The following CDK13 variants were observed in gnomAD, a reference collection of about 807,000 sequenced individuals.
The protein encoded by CDK13 is cyclin-dependent kinase 13.
Under a neutral mutation model 137.6 loss-of-function variants are expected in CDK13, and 40 were observed. The ratio of observed to expected loss-of-function variants is 0.29; its 90% CI spans 0.23 to 0.38. The LOEUF (loss-of-function observed/expected upper bound fraction) is 0.38, where lower values mean the gene tolerates loss of function less well. CDK13 is among the 10% of genes least tolerant of loss of function. The pLI, the probability that CDK13 is intolerant of heterozygous loss-of-function variation, is 1.00. For synonymous variants in CDK13, 869 were observed against 760.1 expected (o/e 1.14, Z -2.36); for missense variants, 1,704 against 1,951.8 (o/e 0.87, Z 2.39).
At chr7:40,010,827 G>C (rs906354803) in intron 5 of CDK13, among the ~76,000 whole-genome samples, 1 of 152,164 alleles carries the variant, frequency 6.6e-6, no homozygotes, top group African/African-American at 2.4e-5. Flanking sequence ...GTTCAGCAAA[G>C]TGGCAGCATA....
intron 5 of CDK13, among the ~76,000 whole-genome samples, chr7:40,007,902 A>G (rs1009290202): frequency 6.6e-6 from 1 of 152,180 alleles, no homozygotes; most frequent in East Asian, 1.9e-4. Flanking sequence ...GTTCTGTGGA[A>G]TAGGTGGAAT....
intron 2 of CDK13, 21 bp downstream of exon 2, chr7:39,988,279 T>C (rs765140944): frequency 1.3e-6 from 2 of 1,554,324 alleles, no homozygotes; most frequent in East Asian, 4.5e-5. Context: ...AAAGTATTTG[T>C]CAATAACTGT....
At chr7:40,073,007 C>G (rs1481189020) in intron 9 of CDK13, 2 of 152,154 alleles carry the variant, frequency 1.3e-5, no homozygotes, top group African/African-American at 4.8e-5. Context: ...GCTTCCTTAA[C>G]AGGAAATATG....
chr7:39,997,257 A>G (rs1784584571), intron 2 of CDK13, among the ~76,000 whole-genome samples: 1 of 152,040 alleles, frequency 6.6e-6, no homozygotes. Context: ...TAAAGTTCCT[A>G]CTTTATACAG....
At chr7:40,009,093 TAA>T (rs1450704591) in intron 5 of CDK13, among the ~76,000 whole-genome samples, 1 of 152,224 alleles carries the variant, frequency 6.6e-6, no homozygotes, top group Admixed American at 6.5e-5. Flanking sequence ...AAACAAAGTG[TAA>T]AAGAGAAAAT....
At chr7:40,049,590 G>A (rs1399636814) in intron 7 of CDK13, among the ~76,000 whole-genome samples, 1 of 151,632 alleles carries the variant, frequency 6.6e-6, no homozygotes, top group Non-Finnish European at 1.5e-5. Flanking sequence ...CATTTTTTTT[G>A]TGTGTGCCAA....
chr7:40,032,101 G>T (rs1196332807), intron 5 of CDK13, among the ~76,000 whole-genome samples: 1 of 151,780 alleles, frequency 6.6e-6, no homozygotes, highest in East Asian at 1.9e-4. Flanking sequence ...TGTCACCCAG[G>T]CCTGGAGTGC....
intron 1 of CDK13, among the ~76,000 whole-genome samples, chr7:39,960,641 G>A (rs781570080): frequency 1.3e-5 from 2 of 151,902 alleles, no homozygotes; most frequent in Admixed American, 6.6e-5. Flanking sequence ...GCGTGATCTC[G>A]GCTCACTGTA....
intron 11 of CDK13, among the ~76,000 whole-genome samples, chr7:40,081,105 A>G (rs555924504): frequency 6.6e-6 from 1 of 152,122 alleles, no homozygotes; most frequent in African/African-American, 2.4e-5. Flanking sequence ...TTGACATTCA[A>G]CATTTTTTAA....
chr7:40,092,678 T>G, intron 12 of CDK13, 107 bp from the exon 13 acceptor site: 1 of 728,304 alleles, frequency 1.4e-6, no homozygotes, highest in Admixed American at 2.7e-5. Flanking sequence ...TCTTAAATAC[T>G]CTCCCTCAAA....
rs556279526 is a variant in CDK13 at position 40,065,090 on chromosome 7, A to G, written c.2780+1990A>G. On this transcript the variant is annotated intron_variant, in intron 9 of 13. Coordinates refer to ENST00000181839, the MANE Select transcript of CDK13 (RefSeq NM_003718.5). Reference sequence around the variant, plus strand: ...TCCCAAAATGTGTCATACCTTTTTAATTGTGCAATAGACAAGTAAAAAGGG... The same window carrying G: ...TCCCAAAATGTGTCATACCTTTTTAGTTGTGCAATAGACAAGTAAAAAGGG... Among the ~76,000 whole-genome samples, 8 of 146,816 alleles carry G rather than the reference A, an allele frequency of 5.4e-5. No individual in the cohort carries two copies. In the South Asian group the frequency reaches 1.1e-3, roughly 20 times the overall value.
intron 4 of CDK13, among the ~76,000 whole-genome samples, chr7:40,001,494 T>G (rs1347242777): frequency 6.6e-6 from 1 of 152,140 alleles, no homozygotes; most frequent in East Asian, 1.9e-4. Context: ...GGATTACAGG[T>G]GTGAACTACC....
chr7:39,990,346 T>C (rs987728428), intron 2 of CDK13, among the ~76,000 whole-genome samples: 11 of 152,180 alleles, frequency 7.2e-5, no homozygotes, highest in African/African-American at 2.7e-4. Context: ...TAAAGATTCA[T>C]GAGCACTTCT....
chr7:40,021,107 A>ACACACACACACACG (rs1562733081), intron 5 of CDK13, among the ~76,000 whole-genome samples: 14 of 14,396 alleles, frequency 9.7e-4, no homozygotes, highest in Admixed American at 3.7e-3. Flanking sequence ...ACAAACGTAT[A>ACACACACACACACG]TATATATATA....
chr7:40,011,647 T>A (rs1000219387), intron 5 of CDK13, among the ~76,000 whole-genome samples: 8 of 152,120 alleles, frequency 5.3e-5, no homozygotes, highest in African/African-American at 1.9e-4. Context: ...AATGGATCAG[T>A]GACTTAAATG....
In CDK13 at chr7:40,042,483, T is replaced by C. The variant is rs1416853351; in HGVS notation, c.2354-3353T>C. Among the ~76,000 whole-genome samples, 112 of 135,592 alleles carry C rather than the reference T, an allele frequency of 8.3e-4. 1 individual carries two copies. Among genetic ancestry groups the C allele is most frequent in the African/African-American group, 2.0e-3 (71 of 35,372 alleles). 89.0% of individuals were successfully genotyped at this position (135,592 alleles called of 152,430 possible). A position where few individuals can be genotyped will look rare whatever the true frequency, so the allele number is the denominator to read the frequency against. ...TTGTCCTTTTCTTTTCTTTCTTTTT[T>C]TTTTTTTTTTTTTTTTGACAGGGTT... On this transcript the variant is annotated intron_variant, in intron 5 of 13. Transcript: ENST00000181839.
chr7:40,059,103 T>C (rs1786084363), intron 7 of CDK13: 1 of 152,216 alleles, frequency 6.6e-6, no homozygotes, highest in Admixed American at 6.5e-5. Context: ...CCCTGCTTTA[T>C]AAATTTTAAC....
intron 4 of CDK13, among the ~76,000 whole-genome samples, chr7:40,000,607 AC>A (rs1460976440): frequency 6.6e-6 from 1 of 152,196 alleles, no homozygotes; most frequent in African/African-American, 2.4e-5. Context: ...ATGGGAGATG[AC>A]CTTACGGTTA....
chr7:39,992,068 T>TACAC, intron 2 of CDK13, among the ~76,000 whole-genome samples: 1 of 87,440 alleles, frequency 1.1e-5, no homozygotes, highest in South Asian at 5.0e-4. Context: ...AGGAAAAAAT[T>TACAC]ATACACACAC....
Sources: gnomAD v4.1 joint callset for allele counts (sites outside exome capture counted in the v4.1 genomes callset) on GRCh38, gnomAD v4.1.1 for gene constraint, MANE v1.5 for transcripts, NCBI Gene and HGNC (gene_info 2026-07-23, HGNC 2026-07-21) for gene names.